GHITM: variants seen among roughly 807,000 people sequenced by gnomAD.
GHITM encodes growth hormone inducible transmembrane protein, also known as growth hormone-inducible transmembrane protein.
GHITM carries 24 observed loss-of-function variants against 38.7 expected under a neutral mutation model. The ratio of observed to expected loss-of-function variants is 0.62; its 90% confidence interval spans 0.45 to 0.87. The LOEUF (loss-of-function observed/expected upper bound fraction) is 0.87. Among genes scored for constraint, GHITM ranks in the 40% least tolerant of loss-of-function variants. The pLI, the probability that GHITM is intolerant of heterozygous loss-of-function variation, is 0.00. For missense variants in GHITM, 420 were observed against 429.8 expected (o/e 0.98, Z 0.20); for synonymous variants, 154 against 147.8 (o/e 1.04, Z -0.30).
chr10:84,152,634 G>C lies in GHITM; in HGVS notation c.*286G>C, dbSNP rs1356831387. 3.5e-6 allele frequency: 1 copy of C among 285,176 alleles called. No individual in the cohort carries two copies. The highest frequency in any genetic ancestry group is 6.4e-6 in the Non-Finnish European group (1 of 155,410). 17.7% of individuals were successfully genotyped at this position (285,176 alleles called of 1,614,324 possible). ...AAACTAAAGTTTGTGTCATGAGAAT[G>C]TAAGTCTTTTTTCTACTTTAAAATT... On this transcript the variant is annotated 3_prime_UTR_variant, in exon 9 of 9. Coordinates refer to ENST00000372134, the MANE Select transcript of GHITM (RefSeq NM_014394.3).
chr10:84,148,594 C>A, intron 5 of GHITM, 136 bp from the exon 6 acceptor site: 2 of 625,500 alleles, frequency 3.2e-6, no homozygotes, highest in Admixed American at 2.4e-5. Flanking sequence ...CCACGCCTGG[C>A]CTTAAGCTTT....
At chr10:84,145,522 C>T (rs967260560) in intron 5 of GHITM, among the ~76,000 whole-genome samples, 1 of 152,150 alleles carries the variant, frequency 6.6e-6, no homozygotes, top group Non-Finnish European at 1.5e-5. Context: ...ATCAGACAGC[C>T]TCTAATTTGT....
chr10:84,142,583 A>G, intron 2 of GHITM, 72 bp from the exon 3 acceptor site: 1 of 914,476 alleles, frequency 1.1e-6, no homozygotes, highest in East Asian at 2.6e-5. Context: ...GTGTAAAGGG[A>G]TCTTGCATTT....
At chr10:84,145,733 C>G (rs1166296455) in intron 5 of GHITM, among the ~76,000 whole-genome samples, 1 of 152,330 alleles carries the variant, frequency 6.6e-6, no homozygotes, top group East Asian at 1.9e-4. Context: ...GTCCCCTATT[C>G]TCCTGCTATT....
intron 7 of GHITM, 152 bp from the exon 8 acceptor site, chr10:84,150,557 A>C (rs1841601157): frequency 1.6e-6 from 1 of 614,948 alleles, no homozygotes; most frequent in Non-Finnish European, 2.8e-6. Flanking sequence ...ATTTTGAACT[A>C]ATGCAAATAA....
intron 4 of GHITM, 74 bp from the exon 5 acceptor site, chr10:84,144,801 G>A (rs953438265): frequency 5.5e-6 from 5 of 903,280 alleles, no homozygotes; most frequent in East Asian, 2.6e-5. Context: ...TCCCGAGGTC[G>A]CCCAGCTAGT....
At chr10:84,140,473 G>C (rs1282511179) in intron 1 of GHITM, 1 of 152,176 alleles carries the variant, frequency 6.6e-6, no homozygotes, top group Non-Finnish European at 1.5e-5. Flanking sequence ...AGATGCATCC[G>C]GGGCACTTTC....
rs547320659 is a variant in GHITM, at chr10:84,148,083, A to G, written c.484-647A>G. ...AAGAGTTAATTATCTTGGGATCCCT[A>G]AAGGGTTTTTGTTTCACCTCTGTCC... On this transcript the variant is annotated intron_variant, in intron 5 of 8. Transcript: ENST00000372134. Among the ~76,000 whole-genome samples, 8 of 152,180 alleles carry G rather than the reference A, an allele frequency of 5.3e-5. No individual in the cohort carries two copies. In the South Asian group the frequency reaches 1.5e-3, roughly 28 times the overall value.
At chr10:84,143,346 G>A (rs1841526622) in intron 3 of GHITM, among the ~76,000 whole-genome samples, 1 of 152,094 alleles carries the variant, frequency 6.6e-6, no homozygotes, top group Admixed American at 6.5e-5. Context: ...TATCCTTCAG[G>A]TCATTTCTTT....
Position 84,141,631 on chromosome 10 carries a change from T to C in GHITM, c.129+2T>C. 6.2e-7 allele frequency: 1 copy of C among 1,613,632 alleles called. No homozygotes were observed. The highest frequency in any genetic ancestry group is 8.5e-7 in the Non-Finnish European group (1 of 1,179,550). On this transcript the variant is annotated splice_donor_variant, in intron 2 of 8. Coordinates refer to ENST00000372134, the MANE Select transcript of GHITM (RefSeq NM_014394.3). LOFTEE classifies it high-confidence loss of function. The stretch of plus-strand genomic sequence containing the variant: ...CAATGGCTGTTAACACCTAGCAGGG[T>C]AAAGATAATCTGAATGTTTTTATAT...
At chr10:84,141,435 G>C in intron 1 of GHITM, 27 bp from the exon 2 acceptor site, 1 of 1,509,882 alleles carries the variant, frequency 6.6e-7, no homozygotes, top group Non-Finnish European at 9.1e-7. Flanking sequence ...TGTTTTTTTG[G>C]TTGGTTTTGC....
At chr10:84,152,168 C>G in intron 8 of GHITM, 96 bp from the exon 9 acceptor site, 1 of 610,908 alleles carries the variant, frequency 1.6e-6, no homozygotes. Flanking sequence ...TTTTATATCA[C>G]TAAGACAAAT....
chr10:84,143,553 A>T (rs996296160), intron 3 of GHITM, among the ~76,000 whole-genome samples: 1 of 152,038 alleles, frequency 6.6e-6, no homozygotes, highest in South Asian at 2.1e-4. Context: ...CACTGATTAT[A>T]TTTTCTCTTT....
chr10:84,151,267 G>A (rs1430627216), intron 8 of GHITM, among the ~76,000 whole-genome samples: 2 of 152,078 alleles, frequency 1.3e-5, no homozygotes, highest in African/African-American at 4.8e-5. Context: ...GGCAGAGGAG[G>A]GTCACAGCTC....
rs1042607589 is a variant in GHITM at position 84,152,244 on chromosome 10, G to C, written c.954-20G>C. 18 of 1,127,370 alleles carry C rather than the reference G, an allele frequency of 1.6e-5. 1 individual carries two copies. The Admixed American group carries it at 2.5e-4, about 16-fold the overall frequency. The allele number at this position is 1,127,370 out of a possible 1,614,324, so 69.8% of individuals were successfully genotyped here. On this transcript the variant is annotated intron_variant, in intron 8 of 8. Coordinates refer to ENST00000372134, the MANE Select transcript of GHITM (RefSeq NM_014394.3). Reference sequence around the variant, plus strand: ...TATTAGAATTGCATCATATATAATGGGCATAATTTTCTTTTCTAGGATGCT... The same window carrying C: ...TATTAGAATTGCATCATATATAATGCGCATAATTTTCTTTTCTAGGATGCT...
chr10:84,146,107 A>T (rs1554851832), intron 5 of GHITM, among the ~76,000 whole-genome samples: 1 of 152,180 alleles, frequency 6.6e-6, no homozygotes, highest in Non-Finnish European at 1.5e-5. Context: ...CAATTTTACC[A>T]AACAGTTTAA....
rs1434853764 is a variant in GHITM at position 84,153,404 on chromosome 10, T to C, written c.*1056T>C. 1.3e-5 allele frequency among the ~76,000 whole-genome samples: 2 copies of C among 152,220 alleles called. No individual in the cohort carries two copies. Among genetic ancestry groups the C allele is most frequent in the African/African-American group, 4.8e-5 (2 of 41,450 alleles). Reference sequence around the variant, plus strand: ...CAGAACTAGTTCTGTCTTAATGAAATATATCAACCCAAAAGTGTAATGAGG... The same window carrying C: ...CAGAACTAGTTCTGTCTTAATGAAACATATCAACCCAAAAGTGTAATGAGG... On this transcript the variant is annotated 3_prime_UTR_variant, in exon 9 of 9. Coordinates refer to ENST00000372134, the MANE Select transcript of GHITM (RefSeq NM_014394.3).
chr10:84,147,904 AT>A (rs1841571725), intron 5 of GHITM, among the ~76,000 whole-genome samples: 1 of 152,174 alleles, frequency 6.6e-6, no homozygotes, highest in Admixed American at 6.5e-5. Context: ...ATGTGCTGTG[AT>A]AATCTACTTT....
intron 8 of GHITM, among the ~76,000 whole-genome samples, chr10:84,151,171 A>T (rs1416865938): frequency 6.6e-6 from 1 of 152,156 alleles, no homozygotes; most frequent in Non-Finnish European, 1.5e-5. Context: ...TGGCTTGTAG[A>T]TGGATCATTC....
Sources: allele counts gnomAD v4.1 joint callset (sites outside exome capture counted in the v4.1 genomes callset), GRCh38; gene constraint gnomAD v4.1.1; transcripts MANE v1.5; gene names NCBI Gene and HGNC (gene_info 2026-07-23, HGNC 2026-07-21).